NFIA: variants seen among roughly 807,000 people sequenced by gnomAD.
The protein encoded by NFIA is nuclear factor I A, also known as nuclear factor 1 A-type.
In NFIA, 8 loss-of-function variants were observed where a neutral mutation model predicts 62.8. The observed-to-expected ratio is 0.13, with a 90% confidence interval of 0.07 to 0.23. The LOEUF (loss-of-function observed/expected upper bound fraction) is 0.23. Ranked by LOEUF, NFIA falls within the 10% of genes least tolerant of loss-of-function variation. The probability of loss-of-function intolerance (pLI) is 1.00; values close to 1 mark genes in which losing one functional copy is unlikely to be tolerated. For missense variants in NFIA, 410 were observed against 642.1 expected, an observed-to-expected ratio of 0.64 and a Z score of 3.91; for synonymous variants, 235 against 238.1, an observed-to-expected ratio of 0.99 and a Z score of 0.12.
rs1553153081 is a variant in NFIA at position 61,126,462 on chromosome 1, A to ACACACACACTCT, written c.559+37791_559+37792insTCTCACACACAC. 3.3e-4 allele frequency among the ~76,000 whole-genome samples: 48 copies of ACACACACACTCT among 145,820 alleles called. 1 individual carries two copies. The highest frequency in any genetic ancestry group is 5.9e-4 in the Non-Finnish European group (39 of 66,660). ...AACACACACACACACACACACACAC[A>ACACACACACTCT]CACACACACACACTCACAGAAATAT... is the stretch of plus-strand genomic sequence containing the variant. On this transcript the variant is annotated intron_variant, in intron 2 of 10. Transcript: ENST00000403491.
intron 10 of NFIA, among the ~76,000 whole-genome samples, chr1:61,451,860 A>G (rs981261073): frequency 1.3e-5 from 2 of 152,226 alleles, no homozygotes; most frequent in African/African-American, 2.4e-5. Context: ...GGCAGAAAGC[A>G]TATGAAACCT....
intron 8 of NFIA, among the ~76,000 whole-genome samples, chr1:61,406,122 A>G (rs1207603978): frequency 1.3e-5 from 2 of 152,186 alleles, no homozygotes; most frequent in Admixed American, 1.3e-4. Flanking sequence ...AAAGAAACAT[A>G]GTGGAATAAT....
intron 3 of NFIA, among the ~76,000 whole-genome samples, chr1:61,329,416 T>A (rs1661165448): frequency 6.8e-6 from 1 of 146,284 alleles, no homozygotes; most frequent in Non-Finnish European, 1.5e-5. Context: ...AGAGTCTTGC[T>A]CTGTCACCCA....
chr1:61,300,639 A>G (rs1286476276), intron 3 of NFIA, among the ~76,000 whole-genome samples: 1 of 151,896 alleles, frequency 6.6e-6, no homozygotes, highest in Non-Finnish European at 1.5e-5. Flanking sequence ...CAGTATACAT[A>G]TACACATATA....
At chr1:61,387,802 C>G (rs1664782544) in intron 7 of NFIA, among the ~76,000 whole-genome samples, 1 of 152,234 alleles carries the variant, frequency 6.6e-6, no homozygotes. Context: ...TTTATCCCCT[C>G]TCTGACCCTG....
chr1:61,130,000 G>C (rs1313392369), intron 2 of NFIA, among the ~76,000 whole-genome samples: 2 of 152,118 alleles, frequency 1.3e-5, no homozygotes, highest in Admixed American at 6.5e-5. Flanking sequence ...AATTGACCCG[G>C]TGTGGTGGTT....
At chr1:61,077,572 G>A, upstream of NFIA, 1 of 1,331,314 alleles carries the variant, frequency 7.5e-7, no homozygotes, top group Non-Finnish European at 9.8e-7. Flanking sequence ...GACAACAAAT[G>A]AAGCAATTCG....
At chr1:61,212,846 A>G (rs546985675) in intron 2 of NFIA, among the ~76,000 whole-genome samples, 1 of 152,340 alleles carries the variant, frequency 6.6e-6, no homozygotes, top group African/African-American at 2.4e-5. Flanking sequence ...GATAATCGAA[A>G]GTAGACCATA....
intron 7 of NFIA, among the ~76,000 whole-genome samples, chr1:61,387,018 C>G (rs1664724895): frequency 6.6e-6 from 1 of 152,178 alleles, no homozygotes; most frequent in African/African-American, 2.4e-5. Flanking sequence ...TAATCCTATT[C>G]ATGAGGGCCC....
chr1:61,269,352 A>AT (rs1377753805), intron 2 of NFIA, among the ~76,000 whole-genome samples: 7 of 152,324 alleles, frequency 4.6e-5, no homozygotes, highest in South Asian at 2.1e-4. Flanking sequence ...TGATACTTAA[A>AT]TAAGACATTT....
At chr1:61,082,208 G>C (rs1646107501), upstream of NFIA, 1 of 435,210 alleles carries the variant, frequency 2.3e-6, no homozygotes, top group African/African-American at 2.1e-5. Context: ...GGAGGGGGCG[G>C]GGGGGCCGGG....
At chr1:61,168,780 A>G (rs2100546098) in intron 2 of NFIA, among the ~76,000 whole-genome samples, 1 of 152,356 alleles carries the variant, frequency 6.6e-6, no homozygotes, top group East Asian at 1.9e-4. Context: ...GTTGTCTACA[A>G]ACCCACAGCT....
At chr1:61,293,016 T>C (rs1658987188) in intron 3 of NFIA, among the ~76,000 whole-genome samples, 1 of 152,210 alleles carries the variant, frequency 6.6e-6, no homozygotes, top group African/African-American at 2.4e-5. Context: ...AAATTATGTG[T>C]ACAGCTGGCT....
chr1:61,290,956 T>C (rs368506462), intron 3 of NFIA, among the ~76,000 whole-genome samples: 77 of 152,306 alleles, frequency 5.1e-4, no homozygotes, highest in Middle Eastern at 6.8e-3. Flanking sequence ...ATTCATTTAA[T>C]GAAAGGTAGG....
intron 10 of NFIA, among the ~76,000 whole-genome samples, chr1:61,434,056 T>G (rs1255665187): frequency 6.6e-6 from 1 of 152,174 alleles, no homozygotes; most frequent in African/African-American, 2.4e-5. Flanking sequence ...CCTGTTTAAA[T>G]TGGGCACAGC....
At chr1:61,113,622 T>C (rs1446024273) in intron 2 of NFIA, among the ~76,000 whole-genome samples, 1 of 130,836 alleles carries the variant, frequency 7.6e-6, no homozygotes, top group African/African-American at 2.9e-5. Context: ...AAAAAGAGAA[T>C]ATGTTTGGTA....
intron 2 of NFIA, among the ~76,000 whole-genome samples, chr1:61,209,777 A>G (rs767267682): frequency 7.9e-5 from 12 of 152,128 alleles, no homozygotes; most frequent in Admixed American, 5.2e-4. Flanking sequence ...ACTTGAACCC[A>G]GGAGATGGAA....
chr1:61,312,308 G>T (rs1480824103), intron 3 of NFIA, among the ~76,000 whole-genome samples: 1 of 152,194 alleles, frequency 6.6e-6, no homozygotes. Context: ...CTTTGTAAGT[G>T]CAGTGTCCAC....
chr1:61,170,482 C>A (rs1033619120), intron 2 of NFIA, among the ~76,000 whole-genome samples: 1 of 152,130 alleles, frequency 6.6e-6, no homozygotes, highest in Non-Finnish European at 1.5e-5. Flanking sequence ...AATAAATAGC[C>A]TTGGGAGGTG....
Sources: allele counts gnomAD v4.1 joint callset (sites outside exome capture counted in the v4.1 genomes callset), GRCh38; gene constraint gnomAD v4.1.1; transcripts MANE v1.5; gene names NCBI Gene and HGNC (gene_info 2026-07-23, HGNC 2026-07-21).